HCN1: variants seen among roughly 807,000 people sequenced by gnomAD.
HCN1 encodes the protein hyperpolarization activated cyclic nucleotide gated potassium channel 1, also known as potassium/sodium hyperpolarization-activated cyclic nucleotide-gated channel 1.
HCN1 carries 13 observed loss-of-function variants against 78.9 expected under a neutral mutation model. The ratio of observed to expected loss-of-function variants is 0.16; its 90% CI spans 0.11 to 0.26. The LOEUF is 0.26. Ranked by LOEUF, HCN1 falls within the 10% of genes least tolerant of loss-of-function variation. The pLI, the probability that HCN1 is intolerant of heterozygous loss-of-function variation, is 1.00. For missense variants in HCN1, 810 were observed against 1,154.3 expected, an observed-to-expected ratio of 0.70 and a Z score of 4.32; for synonymous variants, 552 against 455.5, an observed-to-expected ratio of 1.21 and a Z score of -2.70.
chr5:45,328,312 T>A (rs560023133), intron 5 of HCN1, among the ~76,000 whole-genome samples: 102 of 151,754 alleles, frequency 6.7e-4, no homozygotes, highest in African/African-American at 2.7e-4. Context: ...ACAGAAGATC[T>A]TAGCAATCTC....
intron 5 of HCN1, among the ~76,000 whole-genome samples, chr5:45,329,940 T>C (rs1371564004): frequency 6.6e-6 from 1 of 151,342 alleles, no homozygotes; most frequent in Non-Finnish European, 1.5e-5. Flanking sequence ...GTCAAGGAGA[T>C]TCCAGATAGG....
At chr5:45,510,104 T>C (rs1316747609) in intron 2 of HCN1, among the ~76,000 whole-genome samples, 1 of 152,046 alleles carries the variant, frequency 6.6e-6, no homozygotes, top group African/African-American at 2.4e-5. Context: ...CAACCTGTCT[T>C]CAAGAGCTTA....
At position 45,350,787 on chromosome 5, in the gene HCN1, A is replaced by G. The variant is rs536269685; in HGVS notation, c.1377+2313T>C. The stretch of plus-strand genomic sequence containing the variant: ...ACTCCCATTCACAATTGCTTCAAAG[A>G]GAATAAAATACCTGGGAATCCAACT... On this transcript the variant is annotated intron_variant, in intron 5 of 7. Transcript: ENST00000303230. Among the ~76,000 whole-genome samples the G allele has an allele frequency of 2.2e-3, 335 of 152,196 alleles. 2 individuals are homozygous for G. Among genetic ancestry groups the G allele is most frequent in the African/African-American group, 7.9e-3 (326 of 41,502 alleles).
intron 7 of HCN1, 70 bp from the exon 8 acceptor site, chr5:45,262,880 G>A: frequency 1.3e-6 from 2 of 1,536,098 alleles, no homozygotes; most frequent in South Asian, 1.1e-5. Context: ...AGTGAGAGTG[G>A]CTCCTGCAAA....
At chr5:45,647,996 T>C (rs1745583834) in intron 1 of HCN1, among the ~76,000 whole-genome samples, 1 of 152,196 alleles carries the variant, frequency 6.6e-6, no homozygotes, top group Non-Finnish European at 1.5e-5. Flanking sequence ...TAAATGATTT[T>C]ATTTTACATT....
At position 45,566,695 on chromosome 5, in the gene HCN1, C is replaced by A. The variant is rs147445656; in HGVS notation, c.849+78490G>T. Among the ~76,000 whole-genome samples the A allele has an allele frequency of 3.4e-4, 51 of 152,094 alleles. 1 individual carries two copies. The East Asian group carries it at 7.7e-3, about 23-fold the overall frequency. On this transcript the variant is annotated intron_variant, in intron 2 of 7. Transcript: ENST00000303230. ...TGGAGACAGACTAAATAAAAGACTCCCTTGACTACAGGTCCTCATACGTAA... is the reference window on the plus strand; with the variant it reads ...TGGAGACAGACTAAATAAAAGACTCACTTGACTACAGGTCCTCATACGTAA...
rs190342746 is a variant in HCN1 at position 45,411,005 on chromosome 5, G to C, written c.1012-14295C>G. ...CAAATACCAAATAGTATTTAAGAGA[G>C]GCAAAACACAACTTCTTAGATCAAC... On this transcript the variant is annotated intron_variant, in intron 3 of 7. Coordinates refer to ENST00000303230, the MANE Select transcript of HCN1 (RefSeq NM_021072.4). Among the ~76,000 whole-genome samples the C allele has an allele frequency of 5.3e-5, 8 of 152,120 alleles. No individual in the cohort carries two copies. The South Asian group carries it at 1.0e-3, about 20-fold the overall frequency.
intron 2 of HCN1, among the ~76,000 whole-genome samples, chr5:45,552,867 A>T (rs912642375): frequency 1.3e-5 from 2 of 152,090 alleles, no homozygotes; most frequent in Admixed American, 6.6e-5. Context: ...TATATGATAA[A>T]AGGAAGACAC....
Position 45,352,803 on chromosome 5 carries a change from T to G in HCN1, c.1377+297A>C, listed in dbSNP as rs776322931. Among the ~76,000 whole-genome samples the G allele has an allele frequency of 2.6e-5, 4 of 151,860 alleles. No homozygotes were observed. The East Asian group carries it at 7.8e-4, about 30-fold the overall frequency. ...GAATCAAAAAGAAGAATCAGTTTGA[T>G]AAGAATGAGGGGGAGAAAAATGGGG... On this transcript the variant is annotated intron_variant, in intron 5 of 7. Transcript: ENST00000303230.
chr5:45,405,731 T>C (rs2112050370), intron 3 of HCN1, among the ~76,000 whole-genome samples: 1 of 152,280 alleles, frequency 6.6e-6, no homozygotes, highest in South Asian at 2.1e-4. Flanking sequence ...TTTAGTGCTA[T>C]GATCTGCGTA....
chr5:45,403,351 G>A (rs1739860541), intron 3 of HCN1, among the ~76,000 whole-genome samples: 1 of 152,154 alleles, frequency 6.6e-6, no homozygotes, highest in South Asian at 2.1e-4. Flanking sequence ...TTCTCAGGCT[G>A]CTAATAAAGA....
chr5:45,614,845 A>C (rs2111984782), intron 2 of HCN1, among the ~76,000 whole-genome samples: 1 of 152,124 alleles, frequency 6.6e-6, no homozygotes, highest in South Asian at 2.1e-4. Flanking sequence ...TTCACACTCC[A>C]GATTATGTCA....
chr5:45,305,530 A>C (rs1201761665), intron 5 of HCN1, among the ~76,000 whole-genome samples: 2 of 152,150 alleles, frequency 1.3e-5, no homozygotes, highest in African/African-American at 4.8e-5. Flanking sequence ...TACACACTTG[A>C]GTCCACGATT....
intron 1 of HCN1, among the ~76,000 whole-genome samples, chr5:45,693,791 T>C (rs2112106072): frequency 6.6e-6 from 1 of 152,314 alleles, no homozygotes; most frequent in South Asian, 2.1e-4. Context: ...GGGATAGTCC[T>C]TTTCACATTG....
chr5:45,545,629 G>A (rs552426744), intron 2 of HCN1, among the ~76,000 whole-genome samples: 9 of 152,270 alleles, frequency 5.9e-5, no homozygotes, highest in Non-Finnish European at 8.8e-5. Context: ...TTTGTGTAAG[G>A]TGTAAGGAAG....
At chr5:45,371,725 C>A (rs1579846534) in intron 4 of HCN1, among the ~76,000 whole-genome samples, 1 of 147,492 alleles carries the variant, frequency 6.8e-6, no homozygotes, top group Non-Finnish European at 1.5e-5. Flanking sequence ...CCATTTCACT[C>A]CAGCCTGGGT....
intron 5 of HCN1, among the ~76,000 whole-genome samples, chr5:45,323,158 A>G (rs1188230729): frequency 6.6e-6 from 1 of 151,860 alleles, no homozygotes; most frequent in Non-Finnish European, 1.5e-5. Context: ...CAGGTTAAGC[A>G]TTTCTGAGAA....
chr5:45,640,266 T>A (rs1745426647), intron 2 of HCN1, among the ~76,000 whole-genome samples: 1 of 152,138 alleles, frequency 6.6e-6, no homozygotes, highest in Non-Finnish European at 1.5e-5. Flanking sequence ...TCTCTTATTA[T>A]TATTTAACGG....
chr5:45,335,178 G>T (rs1393065599), intron 5 of HCN1, among the ~76,000 whole-genome samples: 3 of 151,918 alleles, frequency 2.0e-5, no homozygotes, highest in Non-Finnish European at 2.9e-5. Flanking sequence ...GACAGGCTCA[G>T]AAGGGCATTA....
Sources: gnomAD v4.1 joint callset for allele counts (sites outside exome capture counted in the v4.1 genomes callset) on GRCh38, gnomAD v4.1.1 for gene constraint, MANE v1.5 for transcripts, NCBI Gene and HGNC (gene_info 2026-07-23, HGNC 2026-07-21) for gene names.